CIST1: variants seen among roughly 807,000 people sequenced by gnomAD.
The protein encoded by CIST1 is uncharacterized LOC729966.
the CIST1 span, chr19:18,250,040 G>T: frequency 2.5e-6 from 1 of 398,620 alleles, no homozygotes; most frequent in South Asian, 1.3e-4. Flanking sequence ...GGCCTTGGAT[G>T]AATGGTAGGG....
the CIST1 span, chr19:18,250,086 C>G: frequency 5.0e-6 from 2 of 398,650 alleles, no homozygotes; most frequent in African/African-American, 4.1e-5. Context: ...TCCCCAGGAA[C>G]CCCAGCCCCA....
At chr19:18,253,948 C>T in the CIST1 span, among the ~76,000 whole-genome samples, 1 of 152,248 alleles carries the variant, frequency 6.6e-6, no homozygotes, top group South Asian at 2.1e-4. Context: ...CTGGGCCAAA[C>T]TTTGTGCTTC....
At chr19:18,253,142 G>A in the CIST1 span, among the ~76,000 whole-genome samples, 1 of 152,110 alleles carries the variant, frequency 6.6e-6, no homozygotes, top group Non-Finnish European at 1.5e-5. Context: ...AGGCAGTGCT[G>A]GGCAGCTCCT....
the CIST1 span, chr19:18,250,589 C>G: frequency 2.5e-6 from 1 of 397,140 alleles, no homozygotes; most frequent in Non-Finnish European, 4.4e-6. Context: ...TCTTCCCTCT[C>G]CAGTTGAGGC....
At chr19:18,250,324 G>C in the CIST1 span, 5 of 398,976 alleles carry the variant, frequency 1.3e-5, no homozygotes, top group Middle Eastern at 6.2e-4. Context: ...TGGACACCTC[G>C]TCCAGGTTCT....
At chr19:18,254,169 G>A in the CIST1 span, among the ~76,000 whole-genome samples, 1 of 152,198 alleles carries the variant, frequency 6.6e-6, no homozygotes, top group African/African-American at 2.4e-5. Flanking sequence ...GAGTAGCAGA[G>A]GGTCTGGCCT....
chr19:18,251,206 A>G, the CIST1 span, among the ~76,000 whole-genome samples: 1 of 149,934 alleles, frequency 6.7e-6, no homozygotes, highest in South Asian at 2.1e-4. Flanking sequence ...GCTCACTCCA[A>G]CCTCCGCCTC....
chr19:18,252,700 C>T, the CIST1 span, among the ~76,000 whole-genome samples: 1 of 152,054 alleles, frequency 6.6e-6, no homozygotes, highest in Admixed American at 6.6e-5. Flanking sequence ...TCACTGCAAC[C>T]TCCACCTCCT....
At chr19:18,251,891 C>G in the CIST1 span, among the ~76,000 whole-genome samples, 2 of 152,022 alleles carry the variant, frequency 1.3e-5, no homozygotes, top group Non-Finnish European at 2.9e-5. Context: ...GTGACATACA[C>G]TAGGCACTTA....
the CIST1 span, chr19:18,250,109 T>G: frequency 1.3e-5 from 5 of 398,588 alleles, no homozygotes; most frequent in African/African-American, 8.2e-5. Context: ...CATGCCCCCA[T>G]CTCTGTTGGC....
chr19:18,251,172 C>A, the CIST1 span, among the ~76,000 whole-genome samples: 3 of 151,430 alleles, frequency 2.0e-5, no homozygotes, highest in Admixed American at 6.6e-5. Flanking sequence ...GTCTCCCAGG[C>A]TGGAGTGCAG....
chr19:18,253,575 C>A, the CIST1 span, among the ~76,000 whole-genome samples: 1 of 150,798 alleles, frequency 6.6e-6, no homozygotes. Context: ...CACACACACA[C>A]AATAGAATAG....
At chr19:18,255,161 G>A in the CIST1 span, 8,122 of 398,190 alleles carry the variant, frequency 0.02, 551 homozygotes, top group African/African-American at 0.15. The surrounding 1 kb of genome is among the most constrained non-coding windows in gnomAD (Gnocchi z 4.6). Context: ...ACTGGGCTGT[G>A]CGTCCCCCAC....
At chr19:18,254,673 A>G in the CIST1 span, among the ~76,000 whole-genome samples, 3 of 152,200 alleles carry the variant, frequency 2.0e-5, no homozygotes, top group African/African-American at 7.2e-5. Context: ...GTGGGGTAGG[A>G]CACCGGTCAG....
At chr19:18,250,857 T>C in the CIST1 span, among the ~76,000 whole-genome samples, 1 of 150,676 alleles carries the variant, frequency 6.6e-6, no homozygotes, top group African/African-American at 2.5e-5. Flanking sequence ...TACTGTGACC[T>C]CCATCTCCAA....
chr19:18,250,347 C>T, the CIST1 span: 1 of 399,028 alleles, frequency 2.5e-6, no homozygotes, highest in Non-Finnish European at 4.4e-6. Context: ...AACTTGGACT[C>T]ATTCCGGTGA....
the CIST1 span, chr19:18,252,056 A>G: frequency 2.5e-6 from 1 of 398,638 alleles, no homozygotes; most frequent in African/African-American, 2.1e-5. Flanking sequence ...AAATCTCTTA[A>G]TACTCACCTG....
chr19:18,251,291 A>G, the CIST1 span, among the ~76,000 whole-genome samples: 2 of 145,096 alleles, frequency 1.4e-5, no homozygotes, highest in Non-Finnish European at 3.0e-5. Flanking sequence ...ATGCCTGGCT[A>G]TTTTTTGTAT....
At chr19:18,254,774 T>C in the CIST1 span, among the ~76,000 whole-genome samples, 1 of 152,244 alleles carries the variant, frequency 6.6e-6, no homozygotes, top group East Asian at 1.9e-4. Context: ...CACTGTCTTA[T>C]AGGAGAGCAA....
Sources: gnomAD v4.1 joint callset for allele counts (sites outside exome capture counted in the v4.1 genomes callset) on GRCh38, gnomAD v4.1.1 for gene constraint, Gnocchi (gnomAD v3.1) non-coding constraint, MANE v1.5 for transcripts, NCBI Gene and HGNC (gene_info 2026-07-23, HGNC 2026-07-21) for gene names.